Variants in ATP2B2 observed in about 807,000 individuals in gnomAD.
The protein encoded by ATP2B2 is plasma membrane calcium-transporting ATPase 2.
In ATP2B2, 15 loss-of-function variants were observed where a neutral mutation model predicts 120.0. The observed-to-expected ratio is 0.12, with a 90% CI of 0.08 to 0.19. The LOEUF is 0.19. Ranked by LOEUF, ATP2B2 falls within the 10% of genes least tolerant of loss-of-function variation. The pLI is 1.00. For missense variants in ATP2B2, 1,045 were observed against 1,719.8 expected (o/e 0.61, Z 6.94); for synonymous variants, 694 against 700.3 (o/e 0.99, Z 0.14).
At chr3:10,392,312 G>T (rs767172776) in intron 5 of ATP2B2, among the ~76,000 whole-genome samples, 1 of 152,126 alleles carries the variant, frequency 6.6e-6, no homozygotes, top group Non-Finnish European at 1.5e-5. Context: ...TTTGCAGAGG[G>T]TCACATTCAT....
chr3:10,436,482 G>A (rs2063484456), intron 2 of ATP2B2, among the ~76,000 whole-genome samples: 1 of 152,226 alleles, frequency 6.6e-6, no homozygotes, highest in African/African-American at 2.4e-5. Context: ...CAACTAGAGA[G>A]CTGGGGTTAA....
At chr3:10,554,399 G>A (rs1289891263) in intron 2 of ATP2B2, among the ~76,000 whole-genome samples, 1 of 152,168 alleles carries the variant, frequency 6.6e-6, no homozygotes, top group Non-Finnish European at 1.5e-5. Flanking sequence ...ATGGAGTGAA[G>A]GTGTCTCACC....
intron 2 of ATP2B2, among the ~76,000 whole-genome samples, chr3:10,436,768 G>A (rs1332870232): frequency 6.6e-6 from 1 of 152,172 alleles, no homozygotes; most frequent in Non-Finnish European, 1.5e-5. Context: ...CCTTAGTGGA[G>A]CGACATCGGC....
intron 1 of ATP2B2, among the ~76,000 whole-genome samples, chr3:10,663,069 A>T (rs1257583733): frequency 8.1e-6 from 1 of 124,024 alleles, no homozygotes; most frequent in Non-Finnish European, 1.6e-5. Context: ...AGGAAGGGGA[A>T]CATCACACAC....
chr3:10,326,876 T>C lies in ATP2B2; in HGVS notation c.*1938A>G, dbSNP rs2059867114. ...GCTCTTTTCCCGAGTGGCTCTCATC[T>C]TGTTTGTGGAAGAGTTCTCTGGGCC... is the stretch of plus-strand genomic sequence containing the variant. On this transcript the variant is annotated 3_prime_UTR_variant, in exon 23 of 23. Coordinates refer to ENST00000360273, the MANE Select transcript of ATP2B2 (RefSeq NM_001001331.4). The C allele has an allele frequency of 7.5e-6, 3 of 398,816 alleles. No homozygotes were observed. The highest frequency in any genetic ancestry group is 8.8e-5 in the Admixed American group (2 of 22,708). 24.7% of individuals were successfully genotyped at this position (398,816 alleles called of 1,614,324 possible).
intron 12 of ATP2B2, 131 bp downstream of exon 12, chr3:10,371,678 T>TA: frequency 7.3e-7 from 1 of 1,377,862 alleles, no homozygotes. Context: ...ACATGTTGCT[T>TA]ACTATCTGAC....
chr3:10,479,368 G>A (rs2065318177), intron 1 of ATP2B2, among the ~76,000 whole-genome samples: 1 of 151,394 alleles, frequency 6.6e-6, no homozygotes, highest in Non-Finnish European at 1.5e-5. Context: ...TGTTCCTTCT[G>A]CCTAGAATGC....
intron 1 of ATP2B2, among the ~76,000 whole-genome samples, chr3:10,681,137 T>C (rs761112738): frequency 6.6e-6 from 1 of 152,246 alleles, no homozygotes; most frequent in Non-Finnish European, 1.5e-5. Flanking sequence ...ATTAGCATCA[T>C]GGTTCCTGTA....
chr3:10,520,841 A>T (rs2066971756), intron 3 of ATP2B2, among the ~76,000 whole-genome samples: 7 of 151,572 alleles, frequency 4.6e-5, no homozygotes, highest in Middle Eastern at 6.8e-3. Flanking sequence ...AACAAACTAT[A>T]TGGCATACGT....
intron 12 of ATP2B2, 44 bp from the exon 13 acceptor site, chr3:10,360,167 G>T (rs1424126540): frequency 1.3e-6 from 2 of 1,544,274 alleles, no homozygotes; most frequent in Non-Finnish European, 1.7e-6. Flanking sequence ...TGGGGCCTGT[G>T]TCGGGAGCCT....
At chr3:10,442,891 GA>G (rs1309629949) in intron 2 of ATP2B2, among the ~76,000 whole-genome samples, 1 of 152,256 alleles carries the variant, frequency 6.6e-6, no homozygotes, top group Non-Finnish European at 1.5e-5. Flanking sequence ...CCCTATGAAA[GA>G]GGCACTGTTA....
Position 10,350,578 on chromosome 3 carries a change from C to G in ATP2B2, c.2137-1G>C. 1 of 1,611,986 alleles carries G rather than the reference C, an allele frequency of 6.2e-7. No individual in the cohort carries two copies. The stretch of plus-strand genomic sequence containing the variant: ...GGCACTTGCGGATGGCTTCTGGGAC[C>G]TGGGCAGGAGGGCAGGGGCCATGGG... On this transcript the variant is annotated splice_acceptor_variant, in intron 14 of 22. Transcript: ENST00000360273. LOFTEE classifies it high-confidence loss of function.
At chr3:10,459,061 A>G (rs528676225) in intron 1 of ATP2B2, among the ~76,000 whole-genome samples, 24 of 152,334 alleles carry the variant, frequency 1.6e-4, no homozygotes, top group African/African-American at 5.8e-4. Context: ...TGTCTAGCAG[A>G]AATGGACATC....
chr3:10,420,604 C>T lies in ATP2B2; in HGVS notation c.200-9789G>A, dbSNP rs186389180. ...CTAGAACTCCTGACCTCAGGTGATC[C>T]ACCCGCCTTGGCCTCCCAAAGTGCT... On this transcript the variant is annotated intron_variant, in intron 2 of 22. Coordinates refer to ENST00000360273, the MANE Select transcript of ATP2B2 (RefSeq NM_001001331.4). Among the ~76,000 whole-genome samples, 407 of 152,348 alleles carry T rather than the reference C, an allele frequency of 2.7e-3. 1 individual carries two copies. The highest frequency in any genetic ancestry group is 8.5e-3 in the African/African-American group (352 of 41,588).
chr3:10,658,851 C>T lies in ATP2B2; in HGVS notation c.-459-38890G>A, dbSNP rs562500185. Among the ~76,000 whole-genome samples, 36 of 151,918 alleles carry T rather than the reference C, an allele frequency of 2.4e-4. 1 individual carries two copies. In the South Asian group the frequency reaches 7.3e-3, roughly 31 times the overall value. On this transcript the variant is annotated intron_variant, in intron 1 of 21. Transcript: ENST00000646379. ...GTTAAGGGCAGCCAGAGAGAAAGGT[C>T]GCGTTACCCACAAAGGGAAGCCCAT...
At chr3:10,380,235 G>T (rs1207649959) in intron 8 of ATP2B2, among the ~76,000 whole-genome samples, 5 of 152,232 alleles carry the variant, frequency 3.3e-5, no homozygotes. Flanking sequence ...TGTGCAATGT[G>T]GGCAATGGAG....
At chr3:10,339,675 C>T (rs6810334) in intron 21 of ATP2B2, among the ~76,000 whole-genome samples, 11,959 of 152,232 alleles carry the variant, frequency 0.079, 1,232 homozygotes, top group African/African-American at 0.24. Context: ...CCACAGATGG[C>T]CACAGGCACA....
intron 1 of ATP2B2, among the ~76,000 whole-genome samples, chr3:10,678,001 G>T (rs2071286167): frequency 6.6e-6 from 1 of 152,072 alleles, no homozygotes. Flanking sequence ...GCACAGAGAG[G>T]ATAAAATACT....
chr3:10,449,898 G>T, intron 1 of ATP2B2, 36 bp from the exon 2 acceptor site: 1 of 381,396 alleles, frequency 2.6e-6, no homozygotes, highest in Non-Finnish European at 5.0e-6. Flanking sequence ...ACAAAGGCCA[G>T]GCACTGGAGG....
Sources: gnomAD v4.1 joint callset for allele counts (sites outside exome capture counted in the v4.1 genomes callset) on GRCh38, gnomAD v4.1.1 for gene constraint, MANE v1.5 for transcripts, NCBI Gene and HGNC (gene_info 2026-07-23, HGNC 2026-07-21) for gene names.